CPT1C: variants seen among roughly 807,000 people sequenced by gnomAD.
CPT1C encodes the protein palmitoyl thioesterase CPT1C.
In CPT1C, 61 loss-of-function variants were observed where a neutral mutation model predicts 97.3. The ratio of observed to expected loss-of-function variants is 0.63; its 90% CI spans 0.51 to 0.78. CPT1C has a LOEUF of 0.78. Ranked by LOEUF, CPT1C falls within the 30% of genes least tolerant of loss-of-function variation. The probability of loss-of-function intolerance (pLI) is 0.00; values close to 1 mark genes in which losing one functional copy is unlikely to be tolerated. For synonymous variants in CPT1C, 469 were observed against 447.2 expected (o/e 1.05, Z -0.61); for missense variants, 975 against 1,065.5 (o/e 0.92, Z 1.18).
chr19:49,697,459 C>G lies in CPT1C; in HGVS notation c.275C>G (p.Pro92Arg). Reference sequence around the variant, plus strand: ...ATGGAGAAGATCAAAGAGTTGCTGCCTGACTGGTGAGGTCCCCCCACTCCA... The same window carrying G: ...ATGGAGAAGATCAAAGAGTTGCTGCGTGACTGGTGAGGTCCCCCCACTCCA... ...GLMEKIKELL[P>R]DWGGQHHGLR... Residue 92 changes from proline to arginine, a missense_variant, in exon 4 of 20, where the codon CCT becomes CGT. Coordinates refer to ENST00000598293, the MANE Select transcript of CPT1C (RefSeq NM_001199753.2). The G allele has an allele frequency of 6.2e-7, 1 of 1,613,998 alleles. No homozygotes were observed. Among genetic ancestry groups the G allele is most frequent in the Non-Finnish European group, 8.5e-7 (1 of 1,179,932 alleles).
intron 7 of CPT1C, among the ~76,000 whole-genome samples, chr19:49,702,275 C>G (rs2083217622): frequency 6.8e-6 from 1 of 147,052 alleles, no homozygotes; most frequent in African/African-American, 2.5e-5. Context: ...GGTATAGATG[C>G]TCCAGTATTC....
chr19:49,710,684 C>A, intron 15 of CPT1C, 39 bp from the exon 16 acceptor site: 1 of 1,598,268 alleles, frequency 6.3e-7, no homozygotes. Context: ...ATCTCCTGAG[C>A]CCAGCTGACA....
chr19:49,702,089 T>TTATTTATAAAGTATAAATAAATATA (rs2083179791), intron 7 of CPT1C, among the ~76,000 whole-genome samples: 1 of 103,914 alleles, frequency 9.6e-6, no homozygotes, highest in East Asian at 2.6e-4. Context: ...AAATATATAT[T>TTATTTATAAAGTATAAATAAATATA]TATTTATAAA....
At chr19:49,713,088 C>A (rs745736231) in intron 19 of CPT1C, 24 bp downstream of exon 19, 7 of 1,580,322 alleles carry the variant, frequency 4.4e-6, no homozygotes, top group Non-Finnish European at 6.1e-6. Flanking sequence ...GTATACCCAC[C>A]AACTCCCTCT....
chr19:49,705,011 TC>T lies in CPT1C; in HGVS notation c.778del (p.Leu260CysfsTer27). 6.3e-7 allele frequency: 1 copy of T among 1,593,402 alleles called. No homozygotes were observed. The highest frequency in any genetic ancestry group is 8.6e-7 in the Non-Finnish European group (1 of 1,166,308). On this transcript the variant is annotated frameshift_variant, in exon 9 of 20. Transcript: ENST00000598293. LOFTEE classifies it high-confidence loss of function. ...MVNSNYYMMD[F>X]LYVTPTPLQA... ...ATCCCCTCTCCTGGTCCCCAGGACT[TC>T]CTGTATGTCACACCCACGCCTCTGC...
chr19:49,699,607 A>G (rs776768013), intron 4 of CPT1C, among the ~76,000 whole-genome samples: 1 of 151,960 alleles, frequency 6.6e-6, no homozygotes, highest in Non-Finnish European at 1.5e-5. Context: ...GTAGCTTTAG[A>G]CCAGCTTTTC....
intron 4 of CPT1C, among the ~76,000 whole-genome samples, chr19:49,700,270 A>AG (rs994836220): frequency 6.6e-6 from 1 of 151,784 alleles, no homozygotes; most frequent in Non-Finnish European, 1.5e-5. Context: ...AACAAAAAAA[A>AG]AAACGCTGAT....
intron 14 of CPT1C, among the ~76,000 whole-genome samples, chr19:49,709,996 G>A (rs2083755683): frequency 6.6e-6 from 1 of 151,834 alleles, no homozygotes; most frequent in Non-Finnish European, 1.5e-5. Flanking sequence ...ACAGGCACGT[G>A]CCACCACGGC....
In CPT1C at chr19:49,705,092, T is replaced by C. The variant is rs1307949045; in HGVS notation, c.857T>C (p.Leu286Pro). The C allele has an allele frequency of 6.2e-7, 1 of 1,613,922 alleles. No individual in the cohort carries two copies. The highest frequency in any genetic ancestry group is 8.5e-7 in the Non-Finnish European group (1 of 1,179,972). ...GCCCTCCTCCTGTACCGCCACCGCC[T>C]GAACCGCCAGGAGATACCCCCGGTG... Reference protein sequence around the residue: ...VHALLLYRHRLNRQEIPPTLL... With the variant: ...VHALLLYRHRPNRQEIPPTLL... The change falls in exon 9 of 20, where the codon CTG becomes CCG. Residue 286 changes from leucine to proline, a missense_variant. Physicochemically the swap from Leu to Pro is moderately conservative, Grantham distance 98. Coordinates refer to ENST00000598293, the MANE Select transcript of CPT1C (RefSeq NM_001199753.2).
intron 16 of CPT1C, 147 bp downstream of exon 16, chr19:49,711,004 G>A (rs1361633627): frequency 2.6e-6 from 2 of 759,526 alleles, no homozygotes; most frequent in Non-Finnish European, 4.1e-6. Flanking sequence ...ACTTCAAAGA[G>A]CTCACTGATG....
intron 9 of CPT1C, 22 bp downstream of exon 9, chr19:49,705,136 A>C: frequency 6.2e-7 from 1 of 1,613,266 alleles, no homozygotes; most frequent in Non-Finnish European, 8.5e-7. Context: ...CCAGTGGGTT[A>C]GGGATGGAGG....
At chr19:49,699,787 T>A (rs1404693087) in intron 4 of CPT1C, among the ~76,000 whole-genome samples, 2 of 152,106 alleles carry the variant, frequency 1.3e-5, no homozygotes, top group Non-Finnish European at 2.9e-5. Flanking sequence ...AAACCCTCTC[T>A]ACTAAAAATG....
chr19:49,690,706 CGCCTTTCTT>C, upstream of CPT1C: 1 of 500,614 alleles, frequency 2.0e-6, no homozygotes, highest in South Asian at 4.2e-5. The surrounding 1 kb of genome is among the most constrained non-coding windows in gnomAD (Gnocchi z 4.4). Flanking sequence ...CCCGCTGTGG[CGCCTTTCTT>C]GCCAACTCAA....
intron 17 of CPT1C, 97 bp from the exon 18 acceptor site, chr19:49,712,639 G>A (rs994508369): frequency 4.6e-6 from 4 of 878,202 alleles, no homozygotes; most frequent in Non-Finnish European, 5.7e-6. Flanking sequence ...CCGGATTTAC[G>A]GGTAAAAAAA....
At chr19:49,704,904 C>T (rs1359852733) in intron 8 of CPT1C, 103 bp from the exon 9 acceptor site, 2 of 1,386,468 alleles carry the variant, frequency 1.4e-6, no homozygotes, top group Non-Finnish European at 2.0e-6. Context: ...TGGGATTCAT[C>T]ATTCCACCCT....
chr19:49,710,220 C>G, intron 14 of CPT1C, 100 bp from the exon 15 acceptor site: 1 of 1,187,352 alleles, frequency 8.4e-7, no homozygotes, highest in African/African-American at 1.5e-5. Context: ...TCTGCCGCAA[C>G]CTTAACTCCA....
At chr19:49,712,343 C>CAAAAAAAAAA (rs750870666) in intron 17 of CPT1C, 16 of 119,472 alleles carry the variant, frequency 1.3e-4, no homozygotes, top group Admixed American at 8.5e-4. Context: ...GACTCTGTCT[C>CAAAAAAAAAA]AAAAAAAAAA....
intron 4 of CPT1C, among the ~76,000 whole-genome samples, chr19:49,699,457 TAAAAAAAAAAA>T (rs71180647): frequency 2.1e-3 from 74 of 35,298 alleles, no homozygotes; most frequent in South Asian, 0.019. Flanking sequence ...CCCCTGTCTC[TAAAAAAAAAAA>T]AAAAAAAAAA....
chr19:49,704,819 C>T (rs770939318), intron 8 of CPT1C, 32 bp downstream of exon 8: 2 of 1,599,962 alleles, frequency 1.3e-6, no homozygotes, highest in South Asian at 1.1e-5. Flanking sequence ...TTCATAGGCC[C>T]CAGGTCTAGG....
Sources: allele counts gnomAD v4.1 joint callset (sites outside exome capture counted in the v4.1 genomes callset), GRCh38; gene constraint gnomAD v4.1.1; non-coding constraint Gnocchi (gnomAD v3.1); transcripts MANE v1.5; gene names NCBI Gene and HGNC (gene_info 2026-07-23, HGNC 2026-07-21).